The following FLT4 variants were observed in gnomAD, a reference collection of about 807,000 sequenced individuals.
FLT4 encodes vascular endothelial growth factor receptor 3.
Under a neutral mutation model 163.2 loss-of-function variants are expected in FLT4, and 30 were observed. The ratio of observed to expected loss-of-function variants is 0.18; its 90% CI spans 0.14 to 0.25. FLT4 has a LOEUF of 0.25. Among genes scored for constraint, FLT4 ranks in the 10% least tolerant of loss-of-function variants. The pLI, the probability that FLT4 is intolerant of heterozygous loss-of-function variation, is 1.00. For synonymous variants in FLT4, 884 were observed against 789.5 expected (o/e 1.12, Z -2.01); for missense variants, 1,510 against 1,863.8 (o/e 0.81, Z 3.50).
In FLT4 at chr5:180,603,279, G is replaced by C; in HGVS notation, c.4005C>G (p.Ser1335Arg). 6.2e-7 allele frequency: 1 copy of C among 1,614,054 alleles called. No individual in the cohort carries two copies. The highest frequency in any genetic ancestry group is 8.5e-7 in the Non-Finnish European group (1 of 1,180,002). ...GARGGQVFYN[S>R]EYGELSEPSE... is the part of the protein sequence containing the mutation. ...TTGGCTCCGACAGCTCCCCATACTC[G>C]CTGTTGTAAAACACCTGGCCTCCTC... is the stretch of plus-strand genomic sequence containing the variant. Residue 1335 changes from serine to arginine, a missense_variant, in exon 30 of 30, where the codon AGC becomes AGG. Physicochemically the swap from Ser to Arg is moderately radical, Grantham distance 110. Coordinates refer to ENST00000261937, the MANE Select transcript of FLT4 (RefSeq NM_182925.5).
At chr5:180,616,636 C>G in intron 22 of FLT4, 147 bp from the exon 23 acceptor site, 1 of 906,286 alleles carries the variant, frequency 1.1e-6, no homozygotes, top group Non-Finnish European at 1.7e-6. Flanking sequence ...TCCCATCCAT[C>G]TCCAGGACTC....
rs1252688329 is a variant in FLT4 at position 180,639,232 on chromosome 5, TGGGTGGAC to T, written c.59-7462_59-7455del. On this transcript the variant is annotated intron_variant, in intron 1 of 29. Coordinates refer to ENST00000261937, the MANE Select transcript of FLT4 (RefSeq NM_182925.5). Reference sequence around the variant, plus strand: ...ATGGATGGACAGGTAGATGAGTGGATGGGTGGACGGATGGATGGATGGATGAATGGATG... The same window carrying T: ...ATGGATGGACAGGTAGATGAGTGGATGGATGGATGGATGGATGAATGGATG... Among the ~76,000 whole-genome samples, 2 of 18,188 alleles carry T rather than the reference TGGGTGGAC, an allele frequency of 1.1e-4. 1 individual carries two copies. The allele number at this position is 18,188 out of a possible 152,430, so 11.9% of individuals were successfully genotyped here.
At chr5:180,615,101 C>T (rs1249578536) in intron 23 of FLT4, among the ~76,000 whole-genome samples, 1 of 152,202 alleles carries the variant, frequency 6.6e-6, no homozygotes, top group Non-Finnish European at 1.5e-5. Flanking sequence ...AGGCGCGGGG[C>T]AAAGACAAGC....
Position 180,629,382 on chromosome 5 carries a change from G to A in FLT4, c.862C>T (p.His288Tyr). The change falls in exon 7 of 30, where the codon CAC (histidine) becomes TAC (tyrosine). Residue 288 changes from histidine (H) to tyrosine (Y), a missense_variant. His to Tyr is a moderately conservative substitution (Grantham distance 83). Transcript: ENST00000261937. Reference protein sequence around the residue: ...WVPERRSQQTHTELSSILTIH... With the variant: ...WVPERRSQQTYTELSSILTIH... ...GTCAGGATGCTGGAGAGTTCTGTGT[G>A]GGTCTGCTGGGAGCGTCGCTCGGGC... The A allele has an allele frequency of 1.2e-6, 2 of 1,612,358 alleles. No individual in the cohort carries two copies. The highest frequency in any genetic ancestry group is 1.7e-6 in the Non-Finnish European group (2 of 1,179,950).
At chr5:180,609,226 A>C (rs1761988102) in intron 28 of FLT4, 173 bp from the exon 29 acceptor site, 2 of 655,428 alleles carry the variant, frequency 3.1e-6, no homozygotes, top group South Asian at 1.7e-5. Context: ...TGAGGGTCAC[A>C]TGCCCCTGCC....
At chr5:180,638,704 C>T (rs1195893451) in intron 1 of FLT4, among the ~76,000 whole-genome samples, 1 of 152,194 alleles carries the variant, frequency 6.6e-6, no homozygotes, top group African/African-American at 2.4e-5. Flanking sequence ...TTGTTCTGTG[C>T]CCCCAGGCTG....
chr5:180,614,302 G>A (rs1378185184), intron 23 of FLT4, 123 bp from the exon 24 acceptor site: 1 of 630,836 alleles, frequency 1.6e-6, no homozygotes, highest in Non-Finnish European at 2.9e-6. Flanking sequence ...GGAGGGAAGC[G>A]TGTCCCGTGG....
At chr5:180,624,812 G>A (rs1249815153) in intron 10 of FLT4, among the ~76,000 whole-genome samples, 3 of 152,228 alleles carry the variant, frequency 2.0e-5, no homozygotes, top group Non-Finnish European at 2.9e-5. Context: ...TCCCCAGCAA[G>A]CTTGGCCTCC....
chr5:180,624,169 G>T (rs1038911352), intron 10 of FLT4, 108 bp from the exon 11 acceptor site: 1 of 1,347,018 alleles, frequency 7.4e-7, no homozygotes, highest in South Asian at 1.2e-5. Flanking sequence ...CTCATATGGG[G>T]TCGTGGGCGA....
At position 180,630,234 on chromosome 5, in the gene FLT4, C is replaced by G. The variant is rs145513301; in HGVS notation, c.504G>C (p.Thr168=). 3.1e-6 allele frequency: 5 copies of G among 1,612,162 alleles called. No individual in the cohort carries two copies. The highest frequency in any genetic ancestry group is 4.2e-6 in the Non-Finnish European group (5 of 1,179,532). Reference sequence around the variant, plus strand: ...TGGGGTGGGGCCGTACCGAGCGCAGCGTGACATTGAGGCCGGGGATGGACA... The same window carrying G: ...TGGGGTGGGGCCGTACCGAGCGCAGGGTGACATTGAGGCCGGGGATGGACA... ...CLVSIPGLNV[T]LRSQSSVLWP... Residue 168 remains threonine (T), a synonymous_variant, in exon 4 of 30, where the codon ACG becomes ACC. Transcript: ENST00000261937. This position sits in a 1 kb window ranked among gnomAD's most constrained non-coding sequence, Gnocchi z 6.3.
chr5:180,608,302 C>A lies in FLT4; in HGVS notation c.3893+666G>T, dbSNP rs1299866591. The A allele has an allele frequency of 4.3e-6, 3 of 700,828 alleles. No individual in the cohort carries two copies. The South Asian group carries it at 4.4e-5, about 10-fold the overall frequency. The allele number at this position is 700,828 out of a possible 1,614,324, so 43.4% of individuals were successfully genotyped here. A position where few individuals can be genotyped will look rare whatever the true frequency, so the allele number is the denominator to read the frequency against. On this transcript the variant is annotated intron_variant, in intron 29 of 29. Transcript: ENST00000261937. ...TCAGCTACCTAAGAGGGAAGGGCCC[C>A]GTCCCATGATCATGTGACTTGCTTC...
rs753110534 is a variant in FLT4, at chr5:180,619,750, G to A, written c.2562C>T (p.Gly854=). ...RLHLGRVLGY[G]AFGKVVEASA... is the part of the protein sequence containing the mutation. The stretch of plus-strand genomic sequence containing the variant: ...AGGCTTCCACCACCTTCCCGAAGGC[G>A]CCGTAGCCGAGCACTCTCCCTGTCG... The change falls in exon 18 of 30, where the codon GGC becomes GGT. Residue 854 remains glycine, a synonymous_variant. Transcript: ENST00000261937. 3.7e-6 allele frequency: 6 copies of A among 1,612,176 alleles called. No homozygotes were observed. The African/African-American group carries it at 6.7e-5, about 18-fold the overall frequency.
intron 29 of FLT4, among the ~76,000 whole-genome samples, chr5:180,605,331 G>C (rs142700817): frequency 6.4e-4 from 97 of 152,126 alleles, no homozygotes; most frequent in Non-Finnish European, 1.2e-3. Context: ...CACATTGTCC[G>C]TCCATTTCTA....
At position 180,630,164 on chromosome 5, in the gene FLT4, G is replaced by A. The variant is rs568028031; in HGVS notation, c.514-59C>T. 5 of 1,610,816 alleles carry A rather than the reference G, an allele frequency of 3.1e-6. No homozygotes were observed. The highest frequency in any genetic ancestry group is 2.2e-5 in the South Asian group (2 of 91,006). On this transcript the variant is annotated intron_variant, in intron 4 of 29. Transcript: ENST00000261937. This position sits in a 1 kb window ranked among gnomAD's most constrained non-coding sequence, Gnocchi z 6.3. The stretch of plus-strand genomic sequence containing the variant: ...GCCCCTTGCTCCTGGCCAGACAGGC[G>A]GCCGCCTTTCCCAGGGGTGGGATGG...
intron 27 of FLT4, among the ~76,000 whole-genome samples, chr5:180,610,763 G>A (rs1350946376): frequency 4.6e-5 from 7 of 151,310 alleles, no homozygotes; most frequent in African/African-American, 9.7e-5. Context: ...CTCTCCGGGA[G>A]AAAAAGTACG....
At position 180,616,845 on chromosome 5, in the gene FLT4, C is replaced by T. The variant is rs547262285; in HGVS notation, c.3096+55G>A. The T allele has an allele frequency of 9.5e-6, 13 of 1,367,122 alleles. No homozygotes were observed. In the Middle Eastern group the frequency reaches 5.4e-4, roughly 56 times the overall value. The allele number at this position is 1,367,122 out of a possible 1,614,324, so 84.7% of individuals were successfully genotyped here. ...GAGGCCAGTACCAAGCACTTCTTGG[C>T]GACTGGTGGGGATGCACCCTTTTCC... On this transcript the variant is annotated intron_variant, in intron 22 of 29. Transcript: ENST00000261937.
rs944594789 is a variant in FLT4 at position 180,601,574 on chromosome 5, T to C, written c.*1618A>G. On this transcript the variant is annotated 3_prime_UTR_variant, in exon 30 of 30. Coordinates refer to ENST00000261937, the MANE Select transcript of FLT4 (RefSeq NM_182925.5). ...CTTGTTAAATATTTTCGATCTTTTC[T>C]CAGAACATGGTCTAGAAGGGCATAG... The C allele has an allele frequency of 3.4e-5, 8 of 233,184 alleles. No individual in the cohort carries two copies. Among genetic ancestry groups the C allele is most frequent in the South Asian group, 3.6e-4 (2 of 5,524 alleles). 14.4% of individuals were successfully genotyped at this position (233,184 alleles called of 1,614,324 possible). A position where few individuals can be genotyped will look rare whatever the true frequency, so the allele number is the denominator to read the frequency against.
Position 180,630,781 on chromosome 5 carries a change from C to T in FLT4, c.174G>A (p.Glu58=). 1.2e-6 allele frequency: 2 copies of T among 1,605,244 alleles called. No individual in the cohort carries two copies. Among genetic ancestry groups the T allele is most frequent in the Non-Finnish European group, 1.7e-6 (2 of 1,179,130 alleles). Reference sequence around the variant, plus strand: ...CCTCCTGAGCTCCTGGCCAAGCCCACTCGAGGGGGTGCTGTCCCCTGGCAG... The same window carrying T: ...CCTCCTGAGCTCCTGGCCAAGCCCATTCGAGGGGGTGCTGTCCCCTGGCAG... ...SISCRGQHPL[E]WAWPGAQEAP... The change falls in exon 3 of 30, where the codon GAG becomes GAA. Residue 58 remains glutamate, a synonymous_variant. Transcript: ENST00000261937. The surrounding 1 kb of genome is among the most constrained non-coding windows in gnomAD (Gnocchi z 6.3).
At position 180,618,756 on chromosome 5, in the gene FLT4, G is replaced by A. The variant is rs759764844; in HGVS notation, c.3001+14C>T. 2 of 1,582,552 alleles carry A rather than the reference G, an allele frequency of 1.3e-6. No homozygotes were observed. Among genetic ancestry groups the A allele is most frequent in the African/African-American group, 1.3e-5 (1 of 74,238 alleles). On this transcript the variant is annotated intron_variant, in intron 21 of 29. Transcript: ENST00000261937. ...CGTCAGGCACTAGGAAAAGGGAAGA[G>A]GCCAGGCTCTCACCTTCTTGGTCTG...
Sources: allele counts gnomAD v4.1 joint callset (sites outside exome capture counted in the v4.1 genomes callset), GRCh38; gene constraint gnomAD v4.1.1; non-coding constraint Gnocchi (gnomAD v3.1); transcripts MANE v1.5; gene names NCBI Gene and HGNC (gene_info 2026-07-23, HGNC 2026-07-21).